Variants in ASCC3 observed in about 807,000 individuals in gnomAD.
ASCC3 encodes the protein ASC-1 complex subunit P200.
In ASCC3, 158 loss-of-function variants were observed where a neutral mutation model predicts 256.3. The observed-to-expected ratio is 0.62, with a 90% CI of 0.54 to 0.70. ASCC3 has a LOEUF of 0.70. Ranked by LOEUF, ASCC3 falls within the 30% of genes least tolerant of loss-of-function variation. The pLI, the probability that ASCC3 is intolerant of heterozygous loss-of-function variation, is 0.00. For missense variants in ASCC3, 2,259 were observed against 2,626.0 expected (o/e 0.86, Z 3.05); for synonymous variants, 948 against 883.4 (o/e 1.07, Z -1.30).
intron 4 of ASCC3, among the ~76,000 whole-genome samples, chr6:100,824,658 G>C (rs1391813132): frequency 6.6e-6 from 1 of 152,020 alleles, no homozygotes; most frequent in Non-Finnish European, 1.5e-5. Context: ...TTTTATCAGT[G>C]ATATATAAAC....
intron 4 of ASCC3, among the ~76,000 whole-genome samples, chr6:100,813,108 T>C (rs1770561833): frequency 6.6e-6 from 1 of 151,926 alleles, no homozygotes; most frequent in Non-Finnish European, 1.5e-5. Flanking sequence ...GAAAAAACAA[T>C]AGTTTAAATC....
intron 36 of ASCC3, among the ~76,000 whole-genome samples, chr6:100,551,932 T>G (rs1215534145): frequency 1.3e-5 from 2 of 151,796 alleles, no homozygotes; most frequent in African/African-American, 4.8e-5. Flanking sequence ...TGGGATGAGG[T>G]GGTGGAGAGA....
chr6:100,781,890 A>T (rs2114260813), intron 8 of ASCC3, among the ~76,000 whole-genome samples: 1 of 152,034 alleles, frequency 6.6e-6, no homozygotes, highest in African/African-American at 2.4e-5. Context: ...TCCCTAAGAA[A>T]CTGATTGACT....
At position 100,877,880 on chromosome 6, in the gene ASCC3, C is replaced by A. The variant is rs367661898; in HGVS notation, c.-42+3181G>T. 1.9e-4 allele frequency among the ~76,000 whole-genome samples: 29 copies of A among 152,278 alleles called. No homozygotes were observed. In the East Asian group the frequency reaches 5.0e-3, roughly 26 times the overall value. ...CATTGCATGATTCTAGTTTTTAACACTTTTTCTCTTTTTTTAAAAAACATA... is the reference window on the plus strand; with the variant it reads ...CATTGCATGATTCTAGTTTTTAACAATTTTTCTCTTTTTTTAAAAAACATA... On this transcript the variant is annotated intron_variant, in intron 1 of 41. Coordinates refer to ENST00000369162, the MANE Select transcript of ASCC3 (RefSeq NM_006828.4).
At chr6:100,753,231 G>A (rs1254092257) in intron 10 of ASCC3, among the ~76,000 whole-genome samples, 1 of 150,752 alleles carries the variant, frequency 6.6e-6, no homozygotes, top group East Asian at 1.9e-4. Flanking sequence ...GAAAGAAAAG[G>A]TAACAATTCT....
At chr6:100,650,079 T>C (rs940262717) in intron 20 of ASCC3, among the ~76,000 whole-genome samples, 2 of 151,694 alleles carry the variant, frequency 1.3e-5, no homozygotes, top group South Asian at 2.1e-4. Context: ...ACTGAACGTA[T>C]GGTAGGAAAT....
rs768055647 is a variant in ASCC3 at position 100,856,305 on chromosome 6, A to T, written c.242-7598T>A. On this transcript the variant is annotated intron_variant, in intron 3 of 41. Transcript: ENST00000369162. ...TAACACAAATATAAAAATAGGCATG[A>T]GAATGAAAAACACCAATTTATTATA... The T allele has an allele frequency of 1.4e-4, 97 of 716,244 alleles. 1 individual carries two copies. The highest frequency in any genetic ancestry group is 1.5e-4 in the Non-Finnish European group (88 of 584,410). The allele number at this position is 716,244 out of a possible 1,614,324, so 44.4% of individuals were successfully genotyped here.
At chr6:100,868,665 A>T (rs1773594206) in intron 1 of ASCC3, among the ~76,000 whole-genome samples, 1 of 152,352 alleles carries the variant, frequency 6.6e-6, no homozygotes, top group South Asian at 2.1e-4. Context: ...TGACAGAAAG[A>T]TCTCTATTTT....
chr6:100,686,630 G>A (rs559484624), intron 13 of ASCC3, among the ~76,000 whole-genome samples: 1 of 152,152 alleles, frequency 6.6e-6, no homozygotes, highest in African/African-American at 2.4e-5. Context: ...CTTGTTTGAT[G>A]GGCATTTATG....
At chr6:100,737,095 C>T (rs1780208001) in intron 10 of ASCC3, among the ~76,000 whole-genome samples, 1 of 150,560 alleles carries the variant, frequency 6.6e-6, no homozygotes, top group African/African-American at 2.5e-5. Context: ...TGCAGTGAGC[C>T]GAGATTGCAC....
At chr6:100,818,345 C>T (rs1206275590) in intron 4 of ASCC3, among the ~76,000 whole-genome samples, 2 of 151,826 alleles carry the variant, frequency 1.3e-5, no homozygotes, top group Non-Finnish European at 2.9e-5. Flanking sequence ...AAGGCAAATG[C>T]ATCATGAGGT....
chr6:100,655,639 A>G (rs1775878593), intron 17 of ASCC3, 60 bp downstream of exon 17: 1 of 1,558,700 alleles, frequency 6.4e-7, no homozygotes, highest in Non-Finnish European at 8.8e-7. Context: ...ATCTATCCTC[A>G]TATCATGAAA....
At chr6:100,627,744 T>G (rs745873534) in intron 28 of ASCC3, 34 bp from the exon 29 acceptor site, 14 of 1,609,686 alleles carry the variant, frequency 8.7e-6, no homozygotes, top group Non-Finnish European at 1.1e-5. Context: ...CCATTTTCAA[T>G]TTTTATATTG....
At chr6:100,528,133 G>A (rs943882775) in intron 37 of ASCC3, among the ~76,000 whole-genome samples, 4 of 151,816 alleles carry the variant, frequency 2.6e-5, no homozygotes, top group African/African-American at 9.7e-5. Flanking sequence ...TACTGCACTT[G>A]GCCCATACAT....
chr6:100,799,499 G>A lies in ASCC3; in HGVS notation c.1201C>T (p.His401Tyr), dbSNP rs549150525. 2.3e-4 allele frequency: 374 copies of A among 1,613,128 alleles called. 4 individuals carry two copies. The South Asian group carries it at 3.9e-3, about 17-fold the overall frequency. ...TGGGAATCATACACATGGGGATAAT[G>A]TATTTTTTCAACGTCTGCATCTCTC... ...RQRDADVEKI[H>Y]YPHVYDSQAE... The change falls in exon 7 of 42, where the codon CAT (histidine) becomes TAT (tyrosine). Residue 401 changes from histidine to tyrosine, a missense_variant. Around this residue, in one of 2 missense-constraint regions of ASCC3, gnomAD observed 1,839 missense variants for 2,206.7 expected, o/e 0.83. Coordinates refer to ENST00000369162, the MANE Select transcript of ASCC3 (RefSeq NM_006828.4).
chr6:100,723,902 A>ATATATATAT lies in ASCC3; in HGVS notation c.1902+1636_1902+1637insATATATATA, dbSNP rs1233478212. 6.9e-4 allele frequency among the ~76,000 whole-genome samples: 87 copies of ATATATATAT among 126,706 alleles called. 1 individual carries two copies. Among genetic ancestry groups the ATATATATAT allele is most frequent in the East Asian group, 3.4e-3 (14 of 4,108 alleles). 83.1% of individuals were successfully genotyped at this position (126,706 alleles called of 152,430 possible). ...TATATATATATATATATATATTTAT[A>ATATATATAT]ATTATATATATGACACATATATATA... is the stretch of plus-strand genomic sequence containing the variant. On this transcript the variant is annotated intron_variant, in intron 11 of 41. Transcript: ENST00000369162.
rs1582799551 is a variant in ASCC3 at position 100,745,970 on chromosome 6, T to C, written c.1738-20267A>G. Among the ~76,000 whole-genome samples, 3 of 151,924 alleles carry C rather than the reference T, an allele frequency of 2.0e-5. No homozygotes were observed. In the South Asian group the frequency reaches 6.2e-4, roughly 32 times the overall value. ...ATCTATCGACATAGATAGGCGTTCA[T>C]GGTATATTTTAAAATAATAAAAAAG... is the stretch of plus-strand genomic sequence containing the variant. On this transcript the variant is annotated intron_variant, in intron 10 of 41. Coordinates refer to ENST00000369162, the MANE Select transcript of ASCC3 (RefSeq NM_006828.4).
At chr6:100,727,338 G>A (rs561787552) in intron 10 of ASCC3, among the ~76,000 whole-genome samples, 3 of 151,952 alleles carry the variant, frequency 2.0e-5, no homozygotes, top group Admixed American at 6.6e-5. Flanking sequence ...CCAAATCCGC[G>A]TATTCACAGA....
At chr6:100,560,189 T>C (rs900199736) in intron 36 of ASCC3, among the ~76,000 whole-genome samples, 1 of 152,166 alleles carries the variant, frequency 6.6e-6, no homozygotes, top group African/African-American at 2.4e-5. Context: ...AATTTAGATG[T>C]TTGAAGTTAT....
Sources: gnomAD v4.1 joint callset for allele counts (sites outside exome capture counted in the v4.1 genomes callset) on GRCh38, gnomAD v4.1.1 for gene constraint, gnomAD v4.1.1 regional missense constraint, MANE v1.5 for transcripts, NCBI Gene and HGNC (gene_info 2026-07-23, HGNC 2026-07-21) for gene names.